Variants in CCDC68 observed in about 807,000 individuals in gnomAD.
The protein encoded by CCDC68 is coiled-coil domain containing 68.
Under a neutral mutation model 47.1 loss-of-function variants are expected in CCDC68, and 45 were observed. That is an observed-to-expected ratio of 0.96 (90% CI 0.75 to 1.23). The LOEUF (loss-of-function observed/expected upper bound fraction) is 1.23. Among genes scored for constraint, CCDC68 ranks in the 50% most tolerant of loss-of-function variants. The pLI is 0.00. For missense variants in CCDC68, 353 were observed against 373.6 expected, an observed-to-expected ratio of 0.94 and a Z score of 0.45; for synonymous variants, 131 against 129.5, an observed-to-expected ratio of 1.01 and a Z score of -0.08.
intron 6 of CCDC68, among the ~76,000 whole-genome samples, chr18:54,936,209 GATAA>G (rs967425824): frequency 1.5e-5 from 2 of 134,262 alleles, no homozygotes; most frequent in African/African-American, 2.8e-5. Context: ...TATTTATATA[GATAA>G]ATATATATCT....
At chr18:54,942,304 G>A (rs1241619612) in intron 3 of CCDC68, among the ~76,000 whole-genome samples, 1 of 152,080 alleles carries the variant, frequency 6.6e-6, no homozygotes, top group Non-Finnish European at 1.5e-5. Flanking sequence ...AGCAGGAAAT[G>A]TAAACGTCTA....
intron 10 of CCDC68, among the ~76,000 whole-genome samples, chr18:54,909,943 G>A (rs1424823782): frequency 6.6e-6 from 1 of 152,260 alleles, no homozygotes; most frequent in Non-Finnish European, 1.5e-5. Flanking sequence ...CAAGGGGCAT[G>A]TCTCAGCCCT....
Position 54,904,189 on chromosome 18 carries a change from T to C in CCDC68, c.*169A>G. On this transcript the variant is annotated 3_prime_UTR_variant, in exon 12 of 12. Transcript: ENST00000591504. Reference sequence around the variant, plus strand: ...TTTTGAAGAGTCCATCCATTAAATATAGATTTGTTTGATTTTCTGAAATGT... The same window carrying C: ...TTTTGAAGAGTCCATCCATTAAATACAGATTTGTTTGATTTTCTGAAATGT... The C allele has an allele frequency of 5.4e-6, 3 of 560,394 alleles. No individual in the cohort carries two copies. Among genetic ancestry groups the C allele is most frequent in the South Asian group, 2.6e-5 (1 of 37,946 alleles). 34.7% of individuals were successfully genotyped at this position (560,394 alleles called of 1,614,324 possible).
intron 10 of CCDC68, among the ~76,000 whole-genome samples, chr18:54,914,839 T>A (rs1474571667): frequency 6.6e-6 from 1 of 152,104 alleles, no homozygotes; most frequent in Non-Finnish European, 1.5e-5. Flanking sequence ...ACAAACGGAG[T>A]ACAATGGAAA....
intron 10 of CCDC68, among the ~76,000 whole-genome samples, chr18:54,912,325 A>C (rs775537811): frequency 6.6e-6 from 1 of 152,218 alleles, no homozygotes; most frequent in Non-Finnish European, 1.5e-5. Flanking sequence ...ATTTCGGTAG[A>C]GTTAAGCAGA....
At position 54,905,960 on chromosome 18, in the gene CCDC68, A is replaced by T. The variant is rs530627140; in HGVS notation, c.951-1545T>A. 2.1e-3 allele frequency among the ~76,000 whole-genome samples: 314 copies of T among 152,334 alleles called. 2 individuals are homozygous for T. Among genetic ancestry groups the T allele is most frequent in the African/African-American group, 7.4e-3 (306 of 41,576 alleles). ...GGATCTAGGTTGCGTGCTCCTTATGAGAATCTAATGCCTGAACATCTGTCT... is the reference window on the plus strand; with the variant it reads ...GGATCTAGGTTGCGTGCTCCTTATGTGAATCTAATGCCTGAACATCTGTCT... On this transcript the variant is annotated intron_variant, in intron 11 of 11. Transcript: ENST00000591504.
chr18:54,904,929 G>C (rs1913900871), intron 11 of CCDC68, among the ~76,000 whole-genome samples: 1 of 151,980 alleles, frequency 6.6e-6, no homozygotes, highest in Admixed American at 6.5e-5. Context: ...TATTATTGTT[G>C]TTTAACAACA....
intron 6 of CCDC68, among the ~76,000 whole-genome samples, chr18:54,936,247 T>TTA (rs1180950981): frequency 2.2e-4 from 32 of 144,548 alleles, no homozygotes; most frequent in Admixed American, 1.9e-3. Context: ...AAATATATAG[T>TTA]TATATATATT....
At chr18:54,916,853 G>T (rs2043961586) in intron 10 of CCDC68, among the ~76,000 whole-genome samples, 2 of 152,184 alleles carry the variant, frequency 1.3e-5, no homozygotes, top group South Asian at 4.1e-4. Flanking sequence ...GAATCATGGT[G>T]GCAATTTCTC....
intron 9 of CCDC68, 76 bp from the exon 10 acceptor site, chr18:54,918,072 G>A: frequency 1.6e-6 from 1 of 643,412 alleles, no homozygotes; most frequent in Non-Finnish European, 2.6e-6. Context: ...AAATTGTATG[G>A]ATTTCTGAGG....
rs74405012 is a variant in CCDC68 at position 54,914,801 on chromosome 18, G to A, written c.873+3112C>T. ...TCTGTGGCATAATTGCTGAATAGTCGGTAATTATTTGCTGAATTTTGGAAT... is the reference window on the plus strand; with the variant it reads ...TCTGTGGCATAATTGCTGAATAGTCAGTAATTATTTGCTGAATTTTGGAAT... On this transcript the variant is annotated intron_variant, in intron 10 of 11. Transcript: ENST00000591504. 2.0e-3 allele frequency among the ~76,000 whole-genome samples: 306 copies of A among 152,146 alleles called. 6 individuals carry two copies. In the East Asian group the frequency reaches 0.027, roughly 13 times the overall value.
rs772709337 is a variant in CCDC68 at position 54,901,763 on chromosome 18, T to A, written c.*2595A>T. 6.6e-6 allele frequency: 1 copy of A among 152,208 alleles called. No homozygotes were observed. Among genetic ancestry groups the A allele is most frequent in the Non-Finnish European group, 1.5e-5 (1 of 68,024 alleles). The allele number at this position is 152,208 out of a possible 1,614,324, so 9.4% of individuals were successfully genotyped here. Reference sequence around the variant, plus strand: ...TTCTTATCCAATAAATTCAAGAGTATAATTAGAAGTACATTATTTGGAATA... The same window carrying A: ...TTCTTATCCAATAAATTCAAGAGTAAAATTAGAAGTACATTATTTGGAATA... On this transcript the variant is annotated 3_prime_UTR_variant, in exon 12 of 12. Transcript: ENST00000591504.
At chr18:54,918,879 A>G (rs2044003199) in intron 9 of CCDC68, among the ~76,000 whole-genome samples, 1 of 152,154 alleles carries the variant, frequency 6.6e-6, no homozygotes, top group African/African-American at 2.4e-5. Flanking sequence ...GCCAGGCTAC[A>G]CCCCTATCCT....
chr18:54,953,839 T>A (rs1161365734), intron 1 of CCDC68, among the ~76,000 whole-genome samples: 1 of 152,184 alleles, frequency 6.6e-6, no homozygotes, highest in Non-Finnish European at 1.5e-5. Flanking sequence ...TCTTTTCTCA[T>A]CTACCCATTC....
intron 10 of CCDC68, among the ~76,000 whole-genome samples, chr18:54,915,920 T>C (rs9965758): frequency 0.99 from 150,248 of 152,218 alleles, 74,191 homozygotes; most frequent in East Asian, 1. Context: ...CAGAGTGAGA[T>C]CCTGTCTCAA....
intron 8 of CCDC68, among the ~76,000 whole-genome samples, chr18:54,924,790 C>T (rs924015190): frequency 6.6e-6 from 1 of 152,194 alleles, no homozygotes; most frequent in African/African-American, 2.4e-5. Flanking sequence ...TGGAGAACTT[C>T]TCTCCCTCCA....
intron 9 of CCDC68, among the ~76,000 whole-genome samples, 180 bp from the exon 10 acceptor site, chr18:54,918,176 T>C (rs1008232531): frequency 1.3e-5 from 2 of 152,240 alleles, no homozygotes; most frequent in Non-Finnish European, 2.9e-5. Flanking sequence ...AACTGACACC[T>C]GGGGCTGAAA....
intron 1 of CCDC68, among the ~76,000 whole-genome samples, chr18:54,946,294 A>G (rs1265593094): frequency 1.3e-5 from 2 of 152,196 alleles, no homozygotes; most frequent in Non-Finnish European, 2.9e-5. Flanking sequence ...GTGGCAGGCA[A>G]CGCCTAAAAT....
chr18:54,948,598 T>A (rs1023031735), intron 1 of CCDC68, among the ~76,000 whole-genome samples: 5 of 152,242 alleles, frequency 3.3e-5, no homozygotes, highest in Non-Finnish European at 7.3e-5. Context: ...CTTTCTTTAC[T>A]TAACTCTTGA....
Sources: allele counts gnomAD v4.1 joint callset (sites outside exome capture counted in the v4.1 genomes callset), GRCh38; gene constraint gnomAD v4.1.1; transcripts MANE v1.5; gene names NCBI Gene and HGNC (gene_info 2026-07-23, HGNC 2026-07-21).